The following PLEKHA5 variants were observed in gnomAD, a reference collection of about 807,000 sequenced individuals.
PLEKHA5 encodes the protein pleckstrin homology domain containing A5.
In PLEKHA5, 55 loss-of-function variants were observed where a neutral mutation model predicts 181.9. That is an observed-to-expected ratio of 0.30 (90% CI 0.24 to 0.38). PLEKHA5 has a LOEUF of 0.38. Ranked by LOEUF, PLEKHA5 falls within the 10% of genes least tolerant of loss-of-function variation. The pLI is 1.00. For missense variants in PLEKHA5, 1,432 were observed against 1,549.5 expected, an observed-to-expected ratio of 0.92 and a Z score of 1.27; for synonymous variants, 535 against 529.4, an observed-to-expected ratio of 1.01 and a Z score of -0.15.
chr12:19,291,970 A>G (rs1477645291), intron 15 of PLEKHA5, among the ~76,000 whole-genome samples: 1 of 152,218 alleles, frequency 6.6e-6, no homozygotes, highest in Non-Finnish European at 1.5e-5. Context: ...TTATCCCATT[A>G]AAACACCTAC....
intron 3 of PLEKHA5, among the ~76,000 whole-genome samples, chr12:19,240,470 T>C (rs542183064): frequency 6.8e-6 from 1 of 146,858 alleles, no homozygotes; most frequent in African/African-American, 2.5e-5. Context: ...AAAGACAGGG[T>C]CTTGCTGTTG....
chr12:19,225,248 A>G (rs2059531556), intron 3 of PLEKHA5, among the ~76,000 whole-genome samples: 1 of 152,064 alleles, frequency 6.6e-6, no homozygotes, highest in African/African-American at 2.4e-5. Context: ...ATCTTTGGGG[A>G]GAGATGATAA....
chr12:19,364,640 C>A (rs900359394), intron 29 of PLEKHA5, among the ~76,000 whole-genome samples: 1 of 151,990 alleles, frequency 6.6e-6, no homozygotes, highest in Non-Finnish European at 1.5e-5. Flanking sequence ...AATGGGTCAA[C>A]CCAATAACCC....
At chr12:19,373,868 A>G (rs1361159153) in intron 31 of PLEKHA5, among the ~76,000 whole-genome samples, 1 of 152,206 alleles carries the variant, frequency 6.6e-6, no homozygotes, top group African/African-American at 2.4e-5. Context: ...TCCTTCCAAT[A>G]ATAAAGGATA....
intron 26 of PLEKHA5, 23 bp from the exon 27 acceptor site, chr12:19,358,205 A>G (rs1164825443): frequency 4.0e-6 from 6 of 1,516,396 alleles, no homozygotes; most frequent in African/African-American, 1.4e-5. Context: ...TTATGTATTG[A>G]TATGTTCATT....
intron 29 of PLEKHA5, among the ~76,000 whole-genome samples, chr12:19,363,805 A>G (rs1448013679): frequency 6.6e-6 from 1 of 152,134 alleles, no homozygotes; most frequent in Non-Finnish European, 1.5e-5. Context: ...ACTGGCCTTA[A>G]GAGTATATCT....
At position 19,307,939 on chromosome 12, in the gene PLEKHA5, AAGATAAAG is replaced by A. The variant is rs564715182; in HGVS notation, c.2038-6871_2038-6864del. On this transcript the variant is annotated intron_variant, in intron 15 of 31. Coordinates refer to ENST00000429027, the MANE Select transcript of PLEKHA5 (RefSeq NM_001256470.2). ...CCTGGGAAACATAAAAAGAAGAAGA[AAGATAAAG>A]AGAGAAATAGGTATGAAAGAGAACG... 2.0e-3 allele frequency among the ~76,000 whole-genome samples: 309 copies of A among 152,228 alleles called. 1 individual carries two copies. The highest frequency in any genetic ancestry group is 4.1e-3 in the Admixed American group (63 of 15,298).
At chr12:19,205,372 T>G (rs537518521) in intron 3 of PLEKHA5, 1 of 984,828 alleles carries the variant, frequency 1.0e-6, no homozygotes, top group African/African-American at 1.7e-5. Flanking sequence ...TCAGGAAGCA[T>G]GTAATTTGTC....
At chr12:19,241,882 C>T (rs1490984118) in intron 3 of PLEKHA5, among the ~76,000 whole-genome samples, 1 of 151,982 alleles carries the variant, frequency 6.6e-6, no homozygotes, top group East Asian at 1.9e-4. Context: ...CAGTCAATAT[C>T]ACTTAATTCT....
intron 3 of PLEKHA5, among the ~76,000 whole-genome samples, chr12:19,219,392 GTATT>G (rs2058569680): frequency 6.6e-6 from 1 of 151,782 alleles, no homozygotes; most frequent in African/African-American, 2.4e-5. Flanking sequence ...TTGTAGGACT[GTATT>G]TATTTTTTAT....
intron 8 of PLEKHA5, among the ~76,000 whole-genome samples, chr12:19,267,339 A>G (rs562510229): frequency 6.6e-6 from 1 of 152,282 alleles, no homozygotes; most frequent in East Asian, 1.9e-4. Context: ...ACTGCAGCTG[A>G]TTTATAACTT....
chr12:19,234,322 T>G (rs968353477), intron 3 of PLEKHA5, among the ~76,000 whole-genome samples: 5 of 152,164 alleles, frequency 3.3e-5, no homozygotes, highest in Non-Finnish European at 5.9e-5. Context: ...TTTCTCCTTC[T>G]TATTAAACTG....
At chr12:19,155,518 C>G (rs950221589) in intron 3 of PLEKHA5, among the ~76,000 whole-genome samples, 3 of 152,080 alleles carry the variant, frequency 2.0e-5, no homozygotes, top group Admixed American at 6.6e-5. Context: ...TTATATAAGC[C>G]TAGGAATCAT....
Position 19,274,788 on chromosome 12 carries a change from G to A in PLEKHA5, c.1118G>A (p.Arg373Lys). Residue 373 changes from arginine (R) to lysine (K), a missense_variant, in exon 11 of 32, where the codon AGA becomes AAA. Around this residue, in one of 2 missense-constraint regions of PLEKHA5, gnomAD observed 1,143 missense variants for 1,168.4 expected, o/e 0.98. Coordinates refer to ENST00000429027, the MANE Select transcript of PLEKHA5 (RefSeq NM_001256470.2). ...TGCCCTGCTCAGACTGTGCACTACA[G>A]ACCAATCAACTTGAGCAGTTCAGAG... The part of the protein sequence containing the change: ...SACPAQTVHY[R>K]PINLSSSENK... 2 of 1,614,172 alleles carry A rather than the reference G, an allele frequency of 1.2e-6. No individual in the cohort carries two copies. The highest frequency in any genetic ancestry group is 1.1e-5 in the South Asian group (1 of 91,082).
In PLEKHA5 at chr12:19,347,032, G is replaced by A; in HGVS notation, c.2748G>A (p.Arg916=). 1.9e-6 allele frequency: 3 copies of A among 1,551,168 alleles called. No individual in the cohort carries two copies. Among genetic ancestry groups the A allele is most frequent in the Non-Finnish European group, 2.6e-6 (3 of 1,146,642 alleles). The change falls in exon 24 of 32, where the codon CGG becomes CGA. Residue 916 remains arginine (R), a synonymous_variant. Transcript: ENST00000429027. ...TCCCACCTCGTCCTCCACTTCCTCGGTCCTATGACTTTACAGAGCAGCCTC... is the reference window on the plus strand; with the variant it reads ...TCCCACCTCGTCCTCCACTTCCTCGATCCTATGACTTTACAGAGCAGCCTC... ...EVVPPRPPLP[R]SYDFTEQPPI...
chr12:19,325,239 AAAGT>A (rs1364257034), intron 20 of PLEKHA5, among the ~76,000 whole-genome samples: 3 of 152,116 alleles, frequency 2.0e-5, no homozygotes, highest in Admixed American at 6.6e-5. Flanking sequence ...AAGAAACAAA[AAAGT>A]AGCTGGGCAT....
At chr12:19,246,702 A>T (rs948101534) in intron 3 of PLEKHA5, among the ~76,000 whole-genome samples, 7 of 151,960 alleles carry the variant, frequency 4.6e-5, no homozygotes, top group Admixed American at 4.6e-4. Context: ...ACTTCTAATA[A>T]GGGTATTTTA....
chr12:19,345,761 C>A (rs1489803160), intron 22 of PLEKHA5, 81 bp from the exon 23 acceptor site: 2 of 738,460 alleles, frequency 2.7e-6, no homozygotes, highest in Non-Finnish European at 4.4e-6. Flanking sequence ...GACTTCATTT[C>A]AAAAAAACAA....
intron 3 of PLEKHA5, among the ~76,000 whole-genome samples, chr12:19,250,835 G>A (rs764999508): frequency 6.6e-6 from 1 of 151,944 alleles, no homozygotes; most frequent in East Asian, 1.9e-4. Context: ...CAAAAATATA[G>A]CATGTGTGTC....
Sources: gnomAD v4.1 joint callset for allele counts (sites outside exome capture counted in the v4.1 genomes callset) on GRCh38, gnomAD v4.1.1 for gene constraint, gnomAD v4.1.1 regional missense constraint, MANE v1.5 for transcripts, NCBI Gene and HGNC (gene_info 2026-07-23, HGNC 2026-07-21) for gene names.